TPST1: variants seen among roughly 807,000 people sequenced by gnomAD.
The protein encoded by TPST1 is protein-tyrosine sulfotransferase 1.
A neutral mutation model predicts 34.8 loss-of-function variants in TPST1; 20 were observed. The ratio of observed to expected loss-of-function variants is 0.57; its 90% CI spans 0.40 to 0.84. TPST1 has a LOEUF of 0.84. Among genes scored for constraint, TPST1 ranks in the 40% least tolerant of loss-of-function variants. TPST1 has a pLI of 0.00. For missense variants in TPST1, 353 were observed against 455.5 expected (o/e 0.78, Z 2.05); for synonymous variants, 152 against 159.4 (o/e 0.95, Z 0.35).
chr7:66,202,909 A>G (rs1789047454), upstream of TPST1, among the ~76,000 whole-genome samples: 1 of 152,096 alleles, frequency 6.6e-6, no homozygotes, highest in Non-Finnish European at 1.5e-5. Flanking sequence ...CCCTGTCTCT[A>G]ATAAAACTAC....
At chr7:66,356,330 C>T (rs1792581775) in intron 4 of TPST1, among the ~76,000 whole-genome samples, 1 of 151,950 alleles carries the variant, frequency 6.6e-6, no homozygotes, top group Admixed American at 6.6e-5. Flanking sequence ...GGCACGTCAC[C>T]CTCCCGGCAC....
At chr7:66,293,540 A>G (rs1791131311) in intron 3 of TPST1, among the ~76,000 whole-genome samples, 1 of 152,156 alleles carries the variant, frequency 6.6e-6, no homozygotes, top group African/African-American at 2.4e-5. Flanking sequence ...TTATATTTGT[A>G]GAATGCTTTC....
At chr7:66,321,159 G>A (rs1223838713) in intron 3 of TPST1, among the ~76,000 whole-genome samples, 4 of 152,198 alleles carry the variant, frequency 2.6e-5, no homozygotes, top group Admixed American at 2.0e-4. Context: ...AAGGCACATG[G>A]GCAAAGTCTG....
At chr7:66,302,508 T>G (rs934655668) in intron 3 of TPST1, among the ~76,000 whole-genome samples, 14 of 152,166 alleles carry the variant, frequency 9.2e-5, no homozygotes, top group African/African-American at 3.4e-4. Flanking sequence ...GTCAAGAGAT[T>G]TGTTTTTACA....
intron 2 of TPST1, among the ~76,000 whole-genome samples, chr7:66,282,961 C>T (rs1424737878): frequency 6.6e-6 from 1 of 152,206 alleles, no homozygotes; most frequent in Non-Finnish European, 1.5e-5. Context: ...GCTCTCCTCA[C>T]TTGCTATTCT....
intron 3 of TPST1, among the ~76,000 whole-genome samples, chr7:66,348,989 G>A (rs1792413822): frequency 6.6e-6 from 1 of 152,018 alleles, no homozygotes; most frequent in Non-Finnish European, 1.5e-5. Flanking sequence ...TACTAGGAAG[G>A]TACTTATAGT....
At chr7:66,274,007 T>C (rs1218463813) in intron 2 of TPST1, among the ~76,000 whole-genome samples, 1 of 151,904 alleles carries the variant, frequency 6.6e-6, no homozygotes, top group African/African-American at 2.4e-5. Flanking sequence ...CTTTTCTTTT[T>C]TTTTTCTTTG....
rs1233090835 is a variant in TPST1, at chr7:66,286,573, T to C, written c.908T>C (p.Val303Ala). The C allele has an allele frequency of 2.5e-6, 4 of 1,610,362 alleles. No individual in the cohort carries two copies. In the South Asian group the frequency reaches 4.4e-5, roughly 18 times the overall value. The change falls in exon 3 of 6, where the codon GTT becomes GCT. Residue 303 changes from valine to alanine, a missense_variant. Val to Ala is a moderately conservative substitution (Grantham distance 64, BLOSUM62 0). Transcript: ENST00000304842. ...PVNVGALSKW[V>A]GKIPPDVLQD... The stretch of plus-strand genomic sequence containing the variant: ...AATGTAGGAGCTCTATCAAAATGGG[T>C]TGGGAAGATACCGCCAGATGTTTTA...
At chr7:66,198,960 G>T in the TPST1 span, among the ~76,000 whole-genome samples, 1 of 152,200 alleles carries the variant, frequency 6.6e-6, no homozygotes, top group South Asian at 2.1e-4. Flanking sequence ...CTGTATGCAG[G>T]TAAGTGTTTC....
At chr7:66,279,803 A>C (rs114109085) in intron 2 of TPST1, among the ~76,000 whole-genome samples, 1 of 152,214 alleles carries the variant, frequency 6.6e-6, no homozygotes, top group African/African-American at 2.4e-5. Context: ...ATATTAAACA[A>C]TCTTTATTTG....
At position 66,240,864 on chromosome 7, in the gene TPST1, G is replaced by T. The variant is rs544658094; in HGVS notation, c.439G>T (p.Val147Phe). 6.2e-7 allele frequency: 1 copy of T among 1,614,156 alleles called. No individual in the cohort carries two copies. The highest frequency in any genetic ancestry group is 1.1e-5 in the South Asian group (1 of 91,082). Reference sequence around the variant, plus strand: ...GCAAGCCTTCTTACTAGAAATTATCGTTAAGCATGGGGAGCCAGCCCCTTA... The same window carrying T: ...GCAAGCCTTCTTACTAGAAATTATCTTTAAGCATGGGGAGCCAGCCCCTTA... ...AMQAFLLEII[V>F]KHGEPAPYLC... is the part of the protein sequence containing the mutation. Residue 147 changes from valine (V) to phenylalanine (F), a missense_variant, in exon 2 of 6, where the codon GTT (valine) becomes TTT (phenylalanine). By Grantham distance (50) the Val-to-Phe change is conservative. Transcript: ENST00000304842.
At chr7:66,243,149 GTGTGTGTGTGTGTGTGTGTT>G (rs565353983) in intron 2 of TPST1, among the ~76,000 whole-genome samples, 4,582 of 148,898 alleles carry the variant, frequency 0.031, 97 homozygotes, top group Non-Finnish European at 0.051. Flanking sequence ...GACAAGGGGT[GTGTGTGTGTGTGTGTGTGTT>G]TGTGTGTGTG....
intron 2 of TPST1, among the ~76,000 whole-genome samples, chr7:66,267,597 G>A (rs891829067): frequency 6.6e-6 from 1 of 152,072 alleles, no homozygotes; most frequent in Non-Finnish European, 1.5e-5. Flanking sequence ...AGATATGACC[G>A]AGAAACAGGG....
At chr7:66,324,467 G>A (rs4718334) in intron 3 of TPST1, among the ~76,000 whole-genome samples, 134,817 of 151,810 alleles carry the variant, frequency 0.89, 60,017 homozygotes, top group African/African-American at 0.91. Flanking sequence ...TTAAAATGGG[G>A]AAAAAAAAGA....
intron 1 of TPST1, among the ~76,000 whole-genome samples, chr7:66,208,857 CATT>C (rs1371018038): frequency 1.3e-5 from 2 of 152,276 alleles, no homozygotes; most frequent in African/African-American, 4.8e-5. Flanking sequence ...TGTCATATCT[CATT>C]GTATCTCCAG....
chr7:66,294,083 T>G (rs1791142802), intron 3 of TPST1, among the ~76,000 whole-genome samples: 1 of 152,200 alleles, frequency 6.6e-6, no homozygotes. Context: ...TTCAGTGGCA[T>G]TAAATACATT....
At chr7:66,253,034 C>T (rs1790300452) in intron 2 of TPST1, among the ~76,000 whole-genome samples, 1 of 152,120 alleles carries the variant, frequency 6.6e-6, no homozygotes, top group Admixed American at 6.5e-5. Context: ...AGGTCAAAAA[C>T]ATTCAGGGGG....
At position 66,231,527 on chromosome 7, in the gene TPST1, G is replaced by C. The variant is rs539955523; in HGVS notation, c.-101-8798G>C. Reference sequence around the variant, plus strand: ...CCCGTGGGAAGGCAGCTAAGTCCCAGCTAAGGCTGGCACTGCTGGGGGACC... The same window carrying C: ...CCCGTGGGAAGGCAGCTAAGTCCCACCTAAGGCTGGCACTGCTGGGGGACC... On this transcript the variant is annotated intron_variant, in intron 1 of 5. Transcript: ENST00000304842. 2.0e-5 allele frequency among the ~76,000 whole-genome samples: 3 copies of C among 152,360 alleles called. No homozygotes were observed. The East Asian group carries it at 5.8e-4, about 29-fold the overall frequency.
chr7:66,299,256 G>T (rs934557835), intron 3 of TPST1, among the ~76,000 whole-genome samples: 1 of 147,784 alleles, frequency 6.8e-6, no homozygotes, highest in Non-Finnish European at 1.5e-5. Flanking sequence ...ACTTCCTTTA[G>T]CAGTTCTTAT....
Sources: gnomAD v4.1 joint callset for allele counts (sites outside exome capture counted in the v4.1 genomes callset) on GRCh38, gnomAD v4.1.1 for gene constraint, MANE v1.5 for transcripts, NCBI Gene and HGNC (gene_info 2026-07-23, HGNC 2026-07-21) for gene names.